The following CPA6 variants were observed in gnomAD, a reference collection of about 807,000 sequenced individuals.
CPA6 encodes carboxypeptidase B.
Under a neutral mutation model 63.3 loss-of-function variants are expected in CPA6, and 58 were observed. The observed-to-expected ratio is 0.92, with a 90% CI of 0.74 to 1.14. The LOEUF (loss-of-function observed/expected upper bound fraction) is 1.14, where lower values mean the gene tolerates loss of function less well. Ranked by LOEUF, CPA6 falls within the 50% of genes most tolerant of loss-of-function variation. The pLI, the probability that CPA6 is intolerant of heterozygous loss-of-function variation, is 0.00. For missense variants in CPA6, 565 were observed against 526.6 expected (o/e 1.07, Z -0.71); for synonymous variants, 185 against 179.0 (o/e 1.03, Z -0.27).
At chr8:67,441,966 G>A (rs1810304385) in intron 8 of CPA6, among the ~76,000 whole-genome samples, 2 of 152,010 alleles carry the variant, frequency 1.3e-5, no homozygotes, top group Admixed American at 6.6e-5. Context: ...GGTGAACAGT[G>A]GGGGAAAAGG....
intron 10 of CPA6, among the ~76,000 whole-genome samples, chr8:67,425,927 C>T (rs565544564): frequency 1.5e-3 from 221 of 148,400 alleles, no homozygotes; most frequent in African/African-American, 4.1e-3. Context: ...AACAGAATCT[C>T]GCTCTGTCAC....
At chr8:67,735,677 C>CTTTTTTTTTTTTTTT (rs199533677) in intron 1 of CPA6, 1 of 145,190 alleles carries the variant, frequency 6.9e-6, no homozygotes. Flanking sequence ...TAGTGGCAGT[C>CTTTTTTTTTTTTTTT]TTTTTTTTTT....
intron 1 of CPA6, among the ~76,000 whole-genome samples, chr8:67,718,217 G>A (rs1384092133): frequency 6.6e-6 from 1 of 151,960 alleles, no homozygotes; most frequent in Admixed American, 6.6e-5. Context: ...ATGACTCCTG[G>A]TTGTCACAAT....
At chr8:67,486,871 ATTTT>A (rs200244030) in intron 6 of CPA6, among the ~76,000 whole-genome samples, 2 of 143,854 alleles carry the variant, frequency 1.4e-5, no homozygotes, top group Non-Finnish European at 3.1e-5. Context: ...TGACTTAACA[ATTTT>A]TTTTTTTTTT....
intron 8 of CPA6, among the ~76,000 whole-genome samples, chr8:67,454,722 A>G (rs1205451674): frequency 1.3e-5 from 2 of 152,212 alleles, no homozygotes; most frequent in Non-Finnish European, 2.9e-5. Flanking sequence ...GTGGAGAGGA[A>G]ATTTAGTCTT....
intron 10 of CPA6, among the ~76,000 whole-genome samples, chr8:67,423,561 G>A (rs894004707): frequency 1.3e-5 from 2 of 152,124 alleles, no homozygotes; most frequent in African/African-American, 4.8e-5. Flanking sequence ...CCCTCAACAT[G>A]CCTCATTCCT....
rs1010054521 is a variant in CPA6, at chr8:67,721,271, C to T, written c.116+24743G>A. Among the ~76,000 whole-genome samples, 3 of 152,170 alleles carry T rather than the reference C, an allele frequency of 2.0e-5. No individual in the cohort carries two copies. In the South Asian group the frequency reaches 6.2e-4, roughly 32 times the overall value. On this transcript the variant is annotated intron_variant, in intron 1 of 10. Transcript: ENST00000297770. ...CTGCCTTAGAGGCTAAAAAGAAATA[C>T]CATGCGTGCCATTTGCTTTGTCTCA... is the stretch of plus-strand genomic sequence containing the variant.
At chr8:67,673,396 T>A (rs148893431) in intron 1 of CPA6, among the ~76,000 whole-genome samples, 6,101 of 129,958 alleles carry the variant, frequency 0.047, 210 homozygotes, top group East Asian at 0.12. Flanking sequence ...TTATTTTTTT[T>A]TTTTTGAGAC....
At chr8:67,726,669 T>C (rs990014003) in intron 1 of CPA6, among the ~76,000 whole-genome samples, 1 of 152,216 alleles carries the variant, frequency 6.6e-6, no homozygotes, top group Admixed American at 6.5e-5. Flanking sequence ...TTGAGACCAC[T>C]GAAGAATTTC....
At chr8:67,643,093 A>G (rs751320589) in intron 1 of CPA6, among the ~76,000 whole-genome samples, 30 of 152,360 alleles carry the variant, frequency 2.0e-4, no homozygotes, top group Middle Eastern at 3.4e-3. Flanking sequence ...TACCTAAAAA[A>G]TGTACAAAAT....
intron 1 of CPA6, among the ~76,000 whole-genome samples, chr8:67,702,539 A>G (rs1817048310): frequency 6.6e-6 from 1 of 152,102 alleles, no homozygotes; most frequent in African/African-American, 2.4e-5. Flanking sequence ...CTCCCAAAAG[A>G]TAGAAAACAC....
intron 1 of CPA6, among the ~76,000 whole-genome samples, chr8:67,689,107 C>A (rs1816764714): frequency 6.6e-6 from 1 of 151,976 alleles, no homozygotes; most frequent in Non-Finnish European, 1.5e-5. Flanking sequence ...AGCCTCAGCT[C>A]CTCTGTGTAG....
intron 1 of CPA6, among the ~76,000 whole-genome samples, chr8:67,684,769 G>A (rs1390616205): frequency 1.3e-5 from 2 of 152,098 alleles, no homozygotes; most frequent in Non-Finnish European, 2.9e-5. Flanking sequence ...TCCAGCGTTA[G>A]CAAAGAACCT....
chr8:67,661,708 A>C (rs973975154), intron 1 of CPA6, among the ~76,000 whole-genome samples: 7 of 152,180 alleles, frequency 4.6e-5, no homozygotes, highest in Admixed American at 2.0e-4. Context: ...ACTTTTTGAG[A>C]AATGAGAAAT....
chr8:67,701,151 T>C (rs1321566559), intron 1 of CPA6, among the ~76,000 whole-genome samples: 2 of 152,158 alleles, frequency 1.3e-5, no homozygotes, highest in Admixed American at 6.5e-5. Context: ...TCTTTACTTA[T>C]ATATTTATTA....
At chr8:67,454,064 T>C (rs1219854111) in intron 8 of CPA6, among the ~76,000 whole-genome samples, 1 of 152,240 alleles carries the variant, frequency 6.6e-6, no homozygotes, top group Non-Finnish European at 1.5e-5. Flanking sequence ...GAATGGGCTA[T>C]CACATCCAGA....
intron 3 of CPA6, among the ~76,000 whole-genome samples, chr8:67,514,636 C>T (rs1392281973): frequency 6.6e-6 from 1 of 152,172 alleles, no homozygotes; most frequent in African/African-American, 2.4e-5. Context: ...AGACTTTATT[C>T]TCTGTGACAT....
chr8:67,594,937 T>C (rs1219312106), intron 2 of CPA6, among the ~76,000 whole-genome samples: 2 of 152,212 alleles, frequency 1.3e-5, no homozygotes, highest in Non-Finnish European at 2.9e-5. Flanking sequence ...CTGTGTTCCT[T>C]TGGAGGAGGA....
At chr8:67,714,833 G>A (rs1371949871) in intron 1 of CPA6, among the ~76,000 whole-genome samples, 2 of 152,128 alleles carry the variant, frequency 1.3e-5, no homozygotes, top group Non-Finnish European at 2.9e-5. Flanking sequence ...AAAACTTAAT[G>A]TGCATCCAAT....
Sources: allele counts gnomAD v4.1 joint callset (sites outside exome capture counted in the v4.1 genomes callset), GRCh38; gene constraint gnomAD v4.1.1; transcripts MANE v1.5; gene names NCBI Gene and HGNC (gene_info 2026-07-23, HGNC 2026-07-21).